The following RPL4 variants were observed in gnomAD, a reference collection of about 807,000 sequenced individuals.
RPL4 encodes large ribosomal subunit protein uL4.
In RPL4, 3 loss-of-function variants were observed where a neutral mutation model predicts 47.7. That is an observed-to-expected ratio of 0.06 (90% CI 0.03 to 0.16). RPL4 has a LOEUF of 0.16. Among genes scored for constraint, RPL4 ranks in the 10% least tolerant of loss-of-function variants. The pLI, the probability that RPL4 is intolerant of heterozygous loss-of-function variation, is 1.00. For synonymous variants in RPL4, 208 were observed against 182.1 expected (o/e 1.14, Z -1.15); for missense variants, 413 against 551.3 (o/e 0.75, Z 2.51).
chr15:66,503,133 A>G lies in RPL4; in HGVS notation c.207T>C (p.Thr69=), dbSNP rs1893656488. ...TGGGAATTCGAGCCACAGCTCTGCC[A>G]GTACCCCAAGACTCAGCACTAGTCT... ...GHQTSAESWG[T]GRAVARIPRV... The change falls in exon 3 of 10, where the codon ACT becomes ACC. Residue 69 remains threonine (T), a synonymous_variant. Transcript: ENST00000307961. The G allele has an allele frequency of 6.2e-7, 1 of 1,614,148 alleles. No individual in the cohort carries two copies. Among genetic ancestry groups the G allele is most frequent in the African/African-American group, 1.3e-5 (1 of 75,046 alleles).
intron 5 of RPL4, 21 bp downstream of exon 5, chr15:66,501,767 A>G (rs1893621011): frequency 6.2e-7 from 1 of 1,606,484 alleles, no homozygotes; most frequent in Non-Finnish European, 8.5e-7. Flanking sequence ...ACCAAACTGT[A>G]AATGTGCTCA....
Position 66,501,099 on chromosome 15 carries a change from G to T in RPL4, c.683C>A (p.Thr228Asn). ...IKAFRNIPGI[T>N]LLNVSKLNIL... is the part of the protein sequence containing the mutation. ...GTTCAGCTTGCTTACATTAAGCAGA[G>T]TAATTCCTTTTAAAGGGAAAGAAAA... Residue 228 changes from threonine (T) to asparagine (N), a missense_variant, in exon 7 of 10, where the codon ACT becomes AAT. By Grantham distance (65) the Thr-to-Asn change is moderately conservative. Coordinates refer to ENST00000307961, the MANE Select transcript of RPL4 (RefSeq NM_000968.4). 1 of 1,610,734 alleles carries T rather than the reference G, an allele frequency of 6.2e-7. No individual in the cohort carries two copies. The highest frequency in any genetic ancestry group is 1.1e-5 in the South Asian group (1 of 90,032).
At chr15:66,499,862 A>G in intron 9 of RPL4, 194 bp downstream of exon 9, 1 of 924,484 alleles carries the variant, frequency 1.1e-6, no homozygotes, top group Non-Finnish European at 1.6e-6. Context: ...GTCTCTACTG[A>G]AAATACAAAA....
In RPL4 at chr15:66,499,337, A is replaced by C; in HGVS notation, c.*70T>G. On this transcript the variant is annotated 3_prime_UTR_variant, in exon 10 of 10. Transcript: ENST00000307961. ...AAGTCATGTTTCTCACTGCCTGTAT[A>C]ATCAGGTCTTTATTCAAAAGAAGCT... 6.6e-7 allele frequency: 1 copy of C among 1,524,488 alleles called. No homozygotes were observed. The allele number at this position is 1,524,488 out of a possible 1,614,324, so 94.4% of individuals were successfully genotyped here. A position where few individuals can be genotyped will look rare whatever the true frequency, so the allele number is the denominator to read the frequency against.
At chr15:66,499,958 G>T in intron 9 of RPL4, 98 bp downstream of exon 9, 1 of 1,433,370 alleles carries the variant, frequency 7.0e-7, no homozygotes. Flanking sequence ...GGTAGGTGGA[G>T]GTTGCAGTGA....
In RPL4 at chr15:66,500,103, A is replaced by G. The variant is rs1893580192; in HGVS notation, c.991T>C (p.Tyr331His). 1.2e-6 allele frequency: 2 copies of G among 1,612,472 alleles called. No individual in the cohort carries two copies. The highest frequency in any genetic ancestry group is 1.3e-5 in the African/African-American group (1 of 74,862). The change falls in exon 9 of 10, where the codon TAT (tyrosine) becomes CAT (histidine). Residue 331 changes from tyrosine (Y) to histidine (H), a missense_variant. Physicochemically the swap from Tyr to His is moderately conservative, Grantham distance 83. Around this residue, in one of 4 missense-constraint regions of RPL4, gnomAD observed 214 missense variants for 304.2 expected, o/e 0.70. Coordinates refer to ENST00000307961, the MANE Select transcript of RPL4 (RefSeq NM_000968.4). ...NLRIMLKLNP[Y>H]AKTMRRNTIL... ...GTGTTCCGGCGCATGGTCTTTGCATATGGGTTTAGCTTCAACATGATTCTC... is the reference window on the plus strand; with the variant it reads ...GTGTTCCGGCGCATGGTCTTTGCATGTGGGTTTAGCTTCAACATGATTCTC...
chr15:66,503,250 G>C (rs767913675), intron 2 of RPL4, 86 bp from the exon 3 acceptor site: 8 of 1,583,946 alleles, frequency 5.1e-6, no homozygotes, highest in Non-Finnish European at 6.9e-6. Flanking sequence ...AACAGCATCA[G>C]AACATCCGAG....
chr15:66,502,959 AAAGT>A (rs1567035354), intron 3 of RPL4, 95 bp downstream of exon 3: 6 of 1,366,530 alleles, frequency 4.4e-6, no homozygotes, highest in Non-Finnish European at 6.3e-6. Context: ...AAGACAAAAA[AAAGT>A]AATATTTTTA....
chr15:66,499,623 A>C lies in RPL4; in HGVS notation c.1068T>G (p.Ala356=). The part of the protein sequence containing the change: ...NHKLRVDKAA[A]AAAALQAKSD... Reference sequence around the variant, plus strand: ...ATTTGGCTTGTAGTGCCGCTGCTGCAGCAGCTGCCTTATCCACCCGGAGCT... The same window carrying C: ...ATTTGGCTTGTAGTGCCGCTGCTGCCGCAGCTGCCTTATCCACCCGGAGCT... Residue 356 remains alanine, a synonymous_variant, in exon 10 of 10, where the codon GCT becomes GCG. Coordinates refer to ENST00000307961, the MANE Select transcript of RPL4 (RefSeq NM_000968.4). 6.2e-7 allele frequency: 1 copy of C among 1,613,994 alleles called. No individual in the cohort carries two copies. Among genetic ancestry groups the C allele is most frequent in the Non-Finnish European group, 8.5e-7 (1 of 1,179,868 alleles).
Position 66,502,683 on chromosome 15 carries a change from G to C in RPL4, c.350C>G (p.Thr117Arg). The change falls in exon 4 of 10, where the codon ACA becomes AGA. Residue 117 changes from threonine (T) to arginine (R), a missense_variant. Physicochemically the swap from Thr to Arg is moderately conservative, Grantham distance 71. Around this residue, in one of 4 missense-constraint regions of RPL4, gnomAD observed 214 missense variants for 304.2 expected, o/e 0.70. Transcript: ENST00000307961. ...ACAGATGGCGTATCGTTTTTGGGTT[G>C]TGTTCACTCTACGATGCCAACGGCG... ...TWRRWHRRVN[T>R]TQKRYAICSA... is the part of the protein sequence containing the mutation. 2 of 1,613,888 alleles carry C rather than the reference G, an allele frequency of 1.2e-6. No homozygotes were observed. Among genetic ancestry groups the C allele is most frequent in the Non-Finnish European group, 1.7e-6 (2 of 1,179,902 alleles).
chr15:66,501,577 T>G, intron 5 of RPL4, 73 bp from the exon 6 acceptor site: 4 of 1,584,480 alleles, frequency 2.5e-6, no homozygotes, highest in Non-Finnish European at 3.4e-6. Flanking sequence ...TTTTAATTCC[T>G]TTTTACAGAT....
At position 66,499,416 on chromosome 15, in the gene RPL4, A is replaced by G; in HGVS notation, c.1275T>C (p.Pro425=). 1 of 1,604,148 alleles carries G rather than the reference A, an allele frequency of 6.2e-7. No individual in the cohort carries two copies. Among genetic ancestry groups the G allele is most frequent in the South Asian group, 1.1e-5 (1 of 89,096 alleles). The change falls in exon 10 of 10, where the codon CCT becomes CCC. Residue 425 remains proline (P), a synonymous_variant. Coordinates refer to ENST00000307961, the MANE Select transcript of RPL4 (RefSeq NM_000968.4). ...EKKPTTEEKK[P]AA is the part of the protein sequence containing the mutation. ...AATCAAATTTAAGAGTTTATGCAGC[A>G]GGCTTCTTCTCCTCTGTAGTAGGTT...
rs949113845 is a variant in RPL4, at chr15:66,501,797, A to C, written c.537T>G (p.Asp179Glu). 10 of 1,609,534 alleles carry C rather than the reference A, an allele frequency of 6.2e-6. No homozygotes were observed. In the Admixed American group the frequency reaches 1.3e-4, roughly 22 times the overall value. ...TGCTCATTGAACGGACCTTTTTGAT[A>C]TCATTCCAGGCTTTAAGTTTCTTAA... is the stretch of plus-strand genomic sequence containing the variant. ...LLLKKLKAWN[D>E]IKKVYASQRM... Residue 179 changes from aspartate (D) to glutamate (E), a missense_variant, in exon 5 of 10, where the codon GAT (aspartate) becomes GAG (glutamate). Coordinates refer to ENST00000307961, the MANE Select transcript of RPL4 (RefSeq NM_000968.4).
rs779683192 is a variant in RPL4 at position 66,501,032 on chromosome 15, G to A, written c.750C>T (p.Cys250=). ...TCCGGAAAGCACTTTCAGTCCAAAT[G>A]CAGAAACGTCCCACATGCCCACCAG... ...LAPGGHVGRF[C]IWTESAFRKL... is the part of the protein sequence containing the mutation. Residue 250 remains cysteine (C), a synonymous_variant, in exon 7 of 10, where the codon TGC becomes TGT. Coordinates refer to ENST00000307961, the MANE Select transcript of RPL4 (RefSeq NM_000968.4). 6 of 1,613,966 alleles carry A rather than the reference G, an allele frequency of 3.7e-6. No individual in the cohort carries two copies. The South Asian group carries it at 5.5e-5, about 15-fold the overall frequency.
Position 66,501,473 on chromosome 15 carries a change from T to C in RPL4, c.578A>G (p.Lys193Arg). 1 of 1,614,210 alleles carries C rather than the reference T, an allele frequency of 6.2e-7. No individual in the cohort carries two copies. Among genetic ancestry groups the C allele is most frequent in the Admixed American group, 1.7e-5 (1 of 60,012 alleles). ...VYASQRMRAG[K>R]GKMRNRRRIQ... ...ACGGCGACGGTTTCTCATTTTGCCTTTGCCAGCTCTCATTCGCTGAGAGGC... is the reference window on the plus strand; with the variant it reads ...ACGGCGACGGTTTCTCATTTTGCCTCTGCCAGCTCTCATTCGCTGAGAGGC... Residue 193 changes from lysine (K) to arginine (R), a missense_variant, in exon 6 of 10, where the codon AAA becomes AGA. This residue lies in a region of RPL4 where 214 missense variants were observed against 304.2 expected (regional missense o/e 0.70). Transcript: ENST00000307961.
rs887925344 is a variant in RPL4, at chr15:66,499,124, A to T, written c.*283T>A. 3.1e-6 allele frequency: 1 copy of T among 317,704 alleles called. No individual in the cohort carries two copies. Among genetic ancestry groups the T allele is most frequent in the South Asian group, 4.3e-5 (1 of 23,054 alleles). The allele number at this position is 317,704 out of a possible 1,614,324, so 19.7% of individuals were successfully genotyped here. ...TTTCTGACCAAGTCCTGTTACACCT[A>T]TTTTTCAAGCCACATTATTTAGAAA... On this transcript the variant is annotated 3_prime_UTR_variant, in exon 10 of 10. Transcript: ENST00000307961.
chr15:66,501,614 A>G, intron 5 of RPL4, 110 bp from the exon 6 acceptor site: 8 of 1,527,868 alleles, frequency 5.2e-6, no homozygotes, highest in Non-Finnish European at 7.1e-6. Context: ...ATAACTTGCC[A>G]AGGTTACACA....
rs1244711747 is a variant in RPL4 at position 66,499,671 on chromosome 15, A to C, written c.1039-19T>G. 6 of 1,612,838 alleles carry C rather than the reference A, an allele frequency of 3.7e-6. No homozygotes were observed. The highest frequency in any genetic ancestry group is 5.1e-6 in the Non-Finnish European group (6 of 1,179,536). Reference sequence around the variant, plus strand: ...GCTTGTGCTGCAACAAATTAGGCAGAAAACAGTAAGAATCAAATCCCTGTA... The same window carrying C: ...GCTTGTGCTGCAACAAATTAGGCAGCAAACAGTAAGAATCAAATCCCTGTA... On this transcript the variant is annotated intron_variant, in intron 9 of 9. Coordinates refer to ENST00000307961, the MANE Select transcript of RPL4 (RefSeq NM_000968.4).
chr15:66,499,666 G>T lies in RPL4; in HGVS notation c.1039-14C>A. ...CCGGAGCTTGTGCTGCAACAAATTA[G>T]GCAGAAAACAGTAAGAATCAAATCC... On this transcript the variant is annotated splice_polypyrimidine_tract_variant and intron_variant, in intron 9 of 9. Coordinates refer to ENST00000307961, the MANE Select transcript of RPL4 (RefSeq NM_000968.4). The T allele has an allele frequency of 6.2e-7, 1 of 1,612,948 alleles. No individual in the cohort carries two copies. Among genetic ancestry groups the T allele is most frequent in the South Asian group, 1.1e-5 (1 of 90,916 alleles).
Sources: gnomAD v4.1 joint callset for allele counts on GRCh38, gnomAD v4.1.1 for gene constraint, gnomAD v4.1.1 regional missense constraint, MANE v1.5 for transcripts, NCBI Gene and HGNC (gene_info 2026-07-23, HGNC 2026-07-21) for gene names.